SLC12A9: variants seen among roughly 807,000 people sequenced by gnomAD.
The protein encoded by SLC12A9 is CCC-interacting protein 1.
Under a neutral mutation model 66.0 loss-of-function variants are expected in SLC12A9, and 55 were observed. The observed-to-expected ratio is 0.83, with a 90% CI of 0.67 to 1.04. The LOEUF is 1.04. Ranked by LOEUF, SLC12A9 falls within the 50% of genes least tolerant of loss-of-function variation. The probability of loss-of-function intolerance (pLI) is 0.00; values close to 1 mark genes in which losing one functional copy is unlikely to be tolerated. For synonymous variants in SLC12A9, 577 were observed against 569.0 expected, an observed-to-expected ratio of 1.01 and a Z score of -0.20; for missense variants, 1,061 against 1,241.9, an observed-to-expected ratio of 0.85 and a Z score of 2.19.
upstream of SLC12A9, among the ~76,000 whole-genome samples, chr7:100,849,939 C>A (rs1250235354): frequency 2.0e-5 from 3 of 151,398 alleles, no homozygotes; most frequent in South Asian, 2.1e-4. Context: ...ATGGTGTGAT[C>A]TTGGCTCACT....
rs748156145 is a variant in SLC12A9, at chr7:100,861,391, G to A, written c.1344-1G>A. ...GTCCCTCCTCCCCTCCATGCCCGCA[G>A]CCCCACCTTCAGCCTGTTCTCCTGG... On this transcript the variant is annotated splice_acceptor_variant, in intron 10 of 13. Coordinates refer to ENST00000354161, the MANE Select transcript of SLC12A9 (RefSeq NM_020246.4). LOFTEE classifies it high-confidence loss of function. The surrounding 1 kb of genome is among the most constrained non-coding windows in gnomAD (Gnocchi z 5.3). The A allele has an allele frequency of 1.9e-6, 3 of 1,613,206 alleles. No individual in the cohort carries two copies. Among genetic ancestry groups the A allele is most frequent in the South Asian group, 2.2e-5 (2 of 91,072 alleles).
exon 1 of SLC12A9, chr7:100,826,964 C>T: frequency 2.8e-6 from 4 of 1,441,866 alleles, no homozygotes; most frequent in Middle Eastern, 3.6e-4. Flanking sequence ...CGCCCCCCCC[C>T]GCAAGGAAAC....
At chr7:100,826,974 C>T in exon 1 of SLC12A9, 1 of 1,543,388 alleles carries the variant, frequency 6.5e-7, no homozygotes, top group Non-Finnish European at 8.8e-7. Context: ...CGCAAGGAAA[C>T]TCACCTTCCA....
At position 100,859,909 on chromosome 7, in the gene SLC12A9, G is replaced by A. The variant is rs751214100; in HGVS notation, c.1002G>A (p.Gly334=). ...GGACCCTGCTGCAGGAAGACTATGG[G>A]TTCTTCCGCGCCATCAGCCTGTGGC... The part of the protein sequence containing the change: ...CDRTLLQEDY[G]FFRAISLWPP... The change falls in exon 8 of 14, where the codon GGG becomes GGA. Residue 334 remains glycine, a synonymous_variant. Coordinates refer to ENST00000354161, the MANE Select transcript of SLC12A9 (RefSeq NM_020246.4). 1 of 1,604,722 alleles carries A rather than the reference G, an allele frequency of 6.2e-7. No individual in the cohort carries two copies.
chr7:100,855,322 A>G (rs1375874076), intron 3 of SLC12A9: 1 of 269,570 alleles, frequency 3.7e-6, no homozygotes, highest in South Asian at 3.5e-5. Flanking sequence ...GAATCTTGCT[A>G]TGTTTCCCAG....
intron 13 of SLC12A9, 150 bp from the exon 14 acceptor site, chr7:100,865,569 T>C (rs1476149552): frequency 1.3e-6 from 2 of 1,582,866 alleles, no homozygotes; most frequent in African/African-American, 2.7e-5. Context: ...TTTATGCAAA[T>C]ATGCAGAATG....
Position 100,865,227 on chromosome 7 carries a change from C to T in SLC12A9, c.1859-492C>T, listed in dbSNP as rs989196850. 21 of 1,531,674 alleles carry T rather than the reference C, an allele frequency of 1.4e-5. No homozygotes were observed. In the African/African-American group the frequency reaches 1.8e-4, roughly 13 times the overall value. 94.9% of individuals were successfully genotyped at this position (1,531,674 alleles called of 1,614,324 possible). On this transcript the variant is annotated intron_variant, in intron 13 of 13. Transcript: ENST00000354161. The stretch of plus-strand genomic sequence containing the variant: ...CGTGCCTCAGCTTCCCAAGATGCTG[C>T]GATTACAGGTGTGAGCCACGGTGCC...
rs746286900 is a variant in SLC12A9 at position 100,861,153 on chromosome 7, G to A, written c.1234G>A (p.Gly412Arg). ...WGLVQLVLLAGKLNTLAAVVT... is the reference protein window; with the variant it reads ...WGLVQLVLLARKLNTLAAVVT... ...CCTTGCCCAGCTGGTGCTCCTGGCT[G>A]GGAAGCTGAACACACTGGCTGCTGT... Residue 412 changes from glycine (G) to arginine (R), a missense_variant, in exon 10 of 14, where the codon GGG (glycine) becomes AGG (arginine). By Grantham distance (125) the Gly-to-Arg change is moderately radical (BLOSUM62 -2). Transcript: ENST00000354161. This position sits in a 1 kb window ranked among gnomAD's most constrained non-coding sequence, Gnocchi z 5.3. 3.7e-6 allele frequency: 6 copies of A among 1,614,196 alleles called. No individual in the cohort carries two copies. The highest frequency in any genetic ancestry group is 2.2e-5 in the South Asian group (2 of 91,082).
chr7:100,852,017 T>G (rs984008935), upstream of SLC12A9, among the ~76,000 whole-genome samples: 2 of 152,126 alleles, frequency 1.3e-5, no homozygotes, highest in African/African-American at 4.8e-5. Context: ...ATTTTACATA[T>G]GAGGACGCGT....
chr7:100,827,482 C>CGGGCG (rs1319309375), intron 1 of SLC12A9: 35 of 150,156 alleles, frequency 2.3e-4, no homozygotes, highest in Non-Finnish European at 4.6e-4. Context: ...GGCGCGGAGC[C>CGGGCG]GGGCGGGCCG....
intron 3 of SLC12A9, 22 bp downstream of exon 3, chr7:100,854,776 C>CTGGGG: frequency 6.2e-7 from 1 of 1,613,380 alleles, no homozygotes; most frequent in Non-Finnish European, 8.5e-7. Flanking sequence ...CATCGATGGA[C>CTGGGG]TGGGGTCTGG....
chr7:100,827,815 C>T (rs547496897), intron 1 of SLC12A9, among the ~76,000 whole-genome samples: 1 of 152,302 alleles, frequency 6.6e-6, no homozygotes, highest in South Asian at 2.1e-4. Flanking sequence ...CCCAGGGACC[C>T]CCGGGACAGG....
intron 9 of SLC12A9, chr7:100,860,464 TG>T (rs1814679132): frequency 1.8e-6 from 1 of 557,864 alleles, no homozygotes; most frequent in East Asian, 3.1e-5. Context: ...TGGCACTTTT[TG>T]GGGTACACGG....
chr7:100,855,626 T>C, intron 3 of SLC12A9, 80 bp from the exon 4 acceptor site: 1 of 1,592,356 alleles, frequency 6.3e-7, no homozygotes, highest in Non-Finnish European at 8.6e-7. Flanking sequence ...GCACTTGGGT[T>C]CAGTGCTTGG....
intron 1 of SLC12A9, among the ~76,000 whole-genome samples, chr7:100,845,962 GCTCT>G (rs1249438505): frequency 1.3e-5 from 2 of 152,212 alleles, no homozygotes; most frequent in East Asian, 1.9e-4. Context: ...GATGAGAAAT[GCTCT>G]CTATCAAAAT....
rs771071860 is a variant in SLC12A9, at chr7:100,866,285, G to A, written c.2425G>A (p.Ala809Thr). Residue 809 changes from alanine to threonine, a missense_variant, in exon 14 of 14, where the codon GCT (alanine) becomes ACT (threonine). Transcript: ENST00000354161. This position sits in a 1 kb window ranked among gnomAD's most constrained non-coding sequence, Gnocchi z 7.3. ...GGTGGTGTGGGGCGAGGGGGCCGGG[G>A]CTGGGGAACCCGAGGCGGAGGAGGA... ...QEVVWGEGAG[A>T]GEPEAEEEGD... is the part of the protein sequence containing the mutation. 2.0e-6 allele frequency: 3 copies of A among 1,534,316 alleles called. No homozygotes were observed. The highest frequency in any genetic ancestry group is 2.0e-5 in the Admixed American group (1 of 48,880).
intron 3 of SLC12A9, 113 bp downstream of exon 3, chr7:100,854,867 C>CT (rs1814288038): frequency 6.8e-7 from 1 of 1,470,780 alleles, no homozygotes; most frequent in African/African-American, 1.4e-5. Flanking sequence ...TTTTTTCATT[C>CT]TTAAAATTTT....
chr7:100,857,175 C>T lies in SLC12A9; in HGVS notation c.756C>T (p.Gly252=), dbSNP rs147161089. 121 of 1,607,634 alleles carry T rather than the reference C, an allele frequency of 7.5e-5. 1 individual carries two copies. In the Admixed American group the frequency reaches 7.7e-4, roughly 10 times the overall value. ...FNSSTLKDNL[G]AGYAEDYTTG... ...GCAGTACCCTGAAGGACAACTTGGG[C>T]GGTGAGCTGGGTGCTGCCGTGGCAG... is the stretch of plus-strand genomic sequence containing the variant. Residue 252 remains glycine (G), a splice_region_variant and synonymous_variant, in exon 5 of 14, where the codon GGC becomes GGT. Transcript: ENST00000354161.
At chr7:100,860,939 C>T in intron 9 of SLC12A9, 199 bp from the exon 10 acceptor site, 2 of 906,822 alleles carry the variant, frequency 2.2e-6, no homozygotes, top group East Asian at 2.7e-5. Context: ...TTTGGGGGTG[C>T]ACTGGCACTT....
Sources: gnomAD v4.1 joint callset for allele counts (sites outside exome capture counted in the v4.1 genomes callset) on GRCh38, gnomAD v4.1.1 for gene constraint, Gnocchi (gnomAD v3.1) non-coding constraint, MANE v1.5 for transcripts, NCBI Gene and HGNC (gene_info 2026-07-23, HGNC 2026-07-21) for gene names.